SPAG17: variants seen among roughly 807,000 people sequenced by gnomAD.
SPAG17 encodes the protein sperm-associated antigen 17.
Under a neutral mutation model 273.6 loss-of-function variants are expected in SPAG17, and 169 were observed. The ratio of observed to expected loss-of-function variants is 0.62; its 90% CI spans 0.55 to 0.70. SPAG17 has a LOEUF of 0.70. Among genes scored for constraint, SPAG17 ranks in the 30% least tolerant of loss-of-function variants. SPAG17 has a pLI of 0.00. For synonymous variants in SPAG17, 825 were observed against 873.2 expected (o/e 0.94, Z 0.97); for missense variants, 2,557 against 2,627.8 (o/e 0.97, Z 0.59).
intron 31 of SPAG17, among the ~76,000 whole-genome samples, chr1:118,007,667 T>C (rs1241644054): frequency 6.6e-6 from 1 of 152,066 alleles, no homozygotes; most frequent in Admixed American, 6.6e-5. Flanking sequence ...GTGGGAAGGA[T>C]GGATAATGAG....
chr1:118,093,106 GT>G, intron 8 of SPAG17, 49 bp downstream of exon 8: 1 of 1,548,410 alleles, frequency 6.5e-7, no homozygotes, highest in Non-Finnish European at 8.7e-7. Flanking sequence ...TGAAAATAAA[GT>G]TGTTCAGTGA....
At chr1:118,020,196 A>C (rs1660366804) in intron 28 of SPAG17, among the ~76,000 whole-genome samples, 1 of 152,220 alleles carries the variant, frequency 6.6e-6, no homozygotes, top group South Asian at 2.1e-4. Context: ...AGGCAAGCGG[A>C]TCACTTTAGG....
At chr1:118,041,364 A>G (rs566049801) in intron 21 of SPAG17, among the ~76,000 whole-genome samples, 4 of 151,958 alleles carry the variant, frequency 2.6e-5, no homozygotes, top group Non-Finnish European at 5.9e-5. Flanking sequence ...GGTTTCCCTC[A>G]TAACAGCTAG....
At chr1:117,987,207 C>G (rs192082074) in intron 40 of SPAG17, among the ~76,000 whole-genome samples, 18 of 152,222 alleles carry the variant, frequency 1.2e-4, no homozygotes, top group African/African-American at 4.3e-4. Flanking sequence ...ACAGTATATC[C>G]CTTCTAGTTT....
intron 3 of SPAG17, among the ~76,000 whole-genome samples, chr1:118,149,629 G>A (rs1027343637): frequency 6.6e-6 from 1 of 152,186 alleles, no homozygotes; most frequent in Non-Finnish European, 1.5e-5. Context: ...ACTGTCTATT[G>A]TGAATAAATC....
At chr1:117,961,437 T>G (rs1571062255) in intron 48 of SPAG17, 1 of 152,336 alleles carries the variant, frequency 6.6e-6, no homozygotes, top group South Asian at 2.1e-4. Flanking sequence ...TCTGGGCTTT[T>G]CTTTTGGGGA....
At chr1:117,993,302 G>T (rs2101658686) in intron 35 of SPAG17, among the ~76,000 whole-genome samples, 1 of 152,320 alleles carries the variant, frequency 6.6e-6, no homozygotes. Context: ...GGCTTTGCAG[G>T]CCTGTGCCAC....
At chr1:118,046,723 G>A (rs1304997421) in intron 20 of SPAG17, among the ~76,000 whole-genome samples, 2 of 152,110 alleles carry the variant, frequency 1.3e-5, no homozygotes, top group Admixed American at 6.5e-5. Context: ...ATTATTTTAT[G>A]ACAAATAATT....
Position 118,099,721 on chromosome 1 carries a change from A to C in SPAG17, c.714T>G (p.Ala238=), listed in dbSNP as rs753170940. 6.8e-6 allele frequency: 11 copies of C among 1,613,786 alleles called. No individual in the cohort carries two copies. Among genetic ancestry groups the C allele is most frequent in the Non-Finnish European group, 3.4e-6 (4 of 1,179,946 alleles). Residue 238 remains alanine (A), a synonymous_variant, in exon 6 of 49, where the codon GCT becomes GCG. Coordinates refer to ENST00000336338, the MANE Select transcript of SPAG17 (RefSeq NM_206996.4). ...FNNPQLLAIM[A]ELGIPITSVI... Reference sequence around the variant, plus strand: ...CGCTGGTTATAGGAATGCCAAGCTCAGCCATAATTGCTAATAGCTGAGGAT... The same window carrying C: ...CGCTGGTTATAGGAATGCCAAGCTCCGCCATAATTGCTAATAGCTGAGGAT...
At chr1:117,971,277 A>C (rs6696536) in intron 45 of SPAG17, among the ~76,000 whole-genome samples, 1,696 of 152,342 alleles carry the variant, frequency 0.011, 29 homozygotes, top group African/African-American at 0.039. Flanking sequence ...GAAAGGTTTG[A>C]AATTTCACAC....
At chr1:118,003,006 T>C (rs1658478763) in intron 32 of SPAG17, among the ~76,000 whole-genome samples, 1 of 152,354 alleles carries the variant, frequency 6.6e-6, no homozygotes, top group African/African-American at 2.4e-5. Context: ...CGGGTGCTCT[T>C]GTAAGGCAGG....
chr1:118,081,194 C>A lies in SPAG17; in HGVS notation c.2116G>T (p.Asp706Tyr), dbSNP rs1418123287. The A allele has an allele frequency of 1.2e-6, 2 of 1,613,960 alleles. No individual in the cohort carries two copies. The highest frequency in any genetic ancestry group is 1.7e-6 in the Non-Finnish European group (2 of 1,179,984). ...QCDANNMKHS[D>Y]LNNLKLSVPD... ...ACTGAGAGTTTGAGATTATTCAAGT[C>A]AGAATGCTTCATATTGTTAGCATCA... Residue 706 changes from aspartate to tyrosine, a missense_variant, in exon 15 of 49, where the codon GAC becomes TAC. Coordinates refer to ENST00000336338, the MANE Select transcript of SPAG17 (RefSeq NM_206996.4).
chr1:118,162,759 GT>G (rs921797694), intron 1 of SPAG17, among the ~76,000 whole-genome samples: 51 of 151,364 alleles, frequency 3.4e-4, no homozygotes, highest in Admixed American at 1.8e-3. Context: ...TCTGCAATTT[GT>G]TTTTTTTCCT....
intron 1 of SPAG17, among the ~76,000 whole-genome samples, chr1:118,174,787 C>T (rs1169001161): frequency 6.6e-6 from 1 of 152,154 alleles, no homozygotes; most frequent in East Asian, 1.9e-4. Flanking sequence ...AGAAACCCTG[C>T]AGGCCAGAAG....
chr1:118,134,291 A>T (rs1406484742), intron 3 of SPAG17, among the ~76,000 whole-genome samples: 1 of 152,206 alleles, frequency 6.6e-6, no homozygotes, highest in Non-Finnish European at 1.5e-5. Context: ...GGATTTAGAA[A>T]AATGCTAACA....
intron 1 of SPAG17, among the ~76,000 whole-genome samples, chr1:118,153,297 C>T (rs1156247373): frequency 6.6e-6 from 1 of 152,094 alleles, no homozygotes; most frequent in African/African-American, 2.4e-5. Flanking sequence ...GATAGGTTCA[C>T]TATTATCTTA....
intron 3 of SPAG17, among the ~76,000 whole-genome samples, chr1:118,147,379 A>G (rs1659069992): frequency 6.6e-6 from 1 of 152,204 alleles, no homozygotes; most frequent in African/African-American, 2.4e-5. Flanking sequence ...AATGGTGCTT[A>G]TATGCCAGTG....
At chr1:117,955,257 G>T in intron 48 of SPAG17, 1 of 1,450,698 alleles carries the variant, frequency 6.9e-7, no homozygotes, top group South Asian at 1.2e-5. Context: ...AGAAATTAGA[G>T]AACTTTAGTA....
intron 4 of SPAG17, 47 bp from the exon 5 acceptor site, chr1:118,101,973 C>T: frequency 6.6e-7 from 1 of 1,509,190 alleles, no homozygotes; most frequent in East Asian, 2.3e-5. Flanking sequence ...AGTGAGCAAG[C>T]AATGGCTTTT....
Sources: gnomAD v4.1 joint callset for allele counts (sites outside exome capture counted in the v4.1 genomes callset) on GRCh38, gnomAD v4.1.1 for gene constraint, MANE v1.5 for transcripts, NCBI Gene and HGNC (gene_info 2026-07-23, HGNC 2026-07-21) for gene names.